The following TFDP1 variants were observed in gnomAD, a reference collection of about 807,000 sequenced individuals.
TFDP1 encodes DRTF1-polypeptide 1.
TFDP1 carries 6 observed loss-of-function variants against 48.0 expected under a neutral mutation model. The observed-to-expected ratio is 0.13, with a 90% CI of 0.07 to 0.25. The LOEUF (loss-of-function observed/expected upper bound fraction) is 0.25, where lower values mean the gene tolerates loss of function less well. Among genes scored for constraint, TFDP1 ranks in the 10% least tolerant of loss-of-function variants. The pLI is 1.00. For missense variants in TFDP1, 335 were observed against 543.0 expected, an observed-to-expected ratio of 0.62 and a Z score of 3.81; for synonymous variants, 201 against 211.6, an observed-to-expected ratio of 0.95 and a Z score of 0.44.
rs987679887 is a variant in TFDP1 at position 113,607,854 on chromosome 13, C to T, written c.13-3142C>T. Among the ~76,000 whole-genome samples the T allele has an allele frequency of 6.6e-6, 1 of 152,210 alleles. No individual in the cohort carries two copies. Among genetic ancestry groups the T allele is most frequent in the Non-Finnish European group, 1.5e-5 (1 of 68,036 alleles). ...TCCCATCCCAGCCGGAGCTGACCAC[C>T]AAGTCGACGGGGCAGAGTGAGAAAC... On this transcript the variant is annotated intron_variant, in intron 2 of 11. Transcript: ENST00000375370. The surrounding 1 kb of genome is among the most constrained non-coding windows in gnomAD (Gnocchi z 5.2).
At chr13:113,625,381 T>C (rs1395737321) in intron 4 of TFDP1, among the ~76,000 whole-genome samples, 44 of 107,478 alleles carry the variant, frequency 4.1e-4, no homozygotes, top group African/African-American at 6.4e-4. Context: ...GTCTCTCACG[T>C]GTCCTCAGGC....
chr13:113,629,755 C>T (rs913417336), intron 4 of TFDP1, among the ~76,000 whole-genome samples: 1 of 144,978 alleles, frequency 6.9e-6, no homozygotes, highest in African/African-American at 2.9e-5. Context: ...GTAAGTTCCT[C>T]GTTGTAAGTC....
chr13:113,633,802 C>A lies in TFDP1; in HGVS notation c.475-88C>A. ...GGTGGCGGCTCCGTGAGCGGGGTGC[C>A]CCTTTGAGCCAGTGCCCATGGTCTA... On this transcript the variant is annotated intron_variant, in intron 6 of 11. Coordinates refer to ENST00000375370, the MANE Select transcript of TFDP1 (RefSeq NM_007111.5). The surrounding 1 kb of genome is among the most constrained non-coding windows in gnomAD (Gnocchi z 4.5). 2 of 1,489,490 alleles carry A rather than the reference C, an allele frequency of 1.3e-6. No individual in the cohort carries two copies. Among genetic ancestry groups the A allele is most frequent in the Non-Finnish European group, 1.8e-6 (2 of 1,106,264 alleles). The allele number at this position is 1,489,490 out of a possible 1,614,324, so 92.3% of individuals were successfully genotyped here. A position where few individuals can be genotyped will look rare whatever the true frequency, so the allele number is the denominator to read the frequency against.
rs2049034170 is a variant in TFDP1, at chr13:113,623,036, T to C, written c.80-144T>C. On this transcript the variant is annotated intron_variant, in intron 3 of 11. Coordinates refer to ENST00000375370, the MANE Select transcript of TFDP1 (RefSeq NM_007111.5). The surrounding 1 kb of genome is among the most constrained non-coding windows in gnomAD (Gnocchi z 5.2). The stretch of plus-strand genomic sequence containing the variant: ...GAATCAAGCTTCATGGAGGTGTTGC[T>C]CTTGAGCCCTGGATTTGAGACAGTA... The C allele has an allele frequency of 1.4e-6, 1 of 726,462 alleles. No homozygotes were observed. The highest frequency in any genetic ancestry group is 2.5e-5 in the Admixed American group (1 of 39,838). The allele number at this position is 726,462 out of a possible 1,614,324, so 45.0% of individuals were successfully genotyped here. A position where few individuals can be genotyped will look rare whatever the true frequency, so the allele number is the denominator to read the frequency against.
chr13:113,585,592 T>C, intron 1 of TFDP1, 182 bp from the exon 2 acceptor site: 1 of 414,114 alleles, frequency 2.4e-6, no homozygotes, highest in Non-Finnish European at 4.4e-6. Context: ...GGCATTTCCG[T>C]CTGGCGAGGC....
In TFDP1 at chr13:113,625,321, TCTCAGGCGTCTCTCACGTGTC is replaced by T. The variant is rs751538795; in HGVS notation, c.186+2090_186+2110del. Among the ~76,000 whole-genome samples, 492 of 67,262 alleles carry T rather than the reference TCTCAGGCGTCTCTCACGTGTC, an allele frequency of 7.3e-3. 3 individuals carry two copies. Among genetic ancestry groups the T allele is most frequent in the Middle Eastern group, 0.027 (3 of 112 alleles). 44.1% of individuals were successfully genotyped at this position (67,262 alleles called of 152,430 possible). A position where few individuals can be genotyped will look rare whatever the true frequency, so the allele number is the denominator to read the frequency against. ...TGTCTCTCACGTGTCCTCACGTGTT[TCTCAGGCGTCTCTCACGTGTC>T]CTCAGGCGTCTCTCACGTGTCCTCA... On this transcript the variant is annotated intron_variant, in intron 4 of 11. Transcript: ENST00000375370.
chr13:113,611,323 T>C (rs1229140857), intron 3 of TFDP1, among the ~76,000 whole-genome samples: 2 of 152,260 alleles, frequency 1.3e-5, no homozygotes, highest in Non-Finnish European at 2.9e-5. Flanking sequence ...GGTAGAATAT[T>C]GTAAAGAAGA....
rs143968270 is a variant in TFDP1, at chr13:113,604,304, G to C, written c.13-6692G>C. ...TACAGCTCCTTACATGCTCAAGCTGGTAATTGTGGTCTAGTAGTAGCTACT... is the reference window on the plus strand; with the variant it reads ...TACAGCTCCTTACATGCTCAAGCTGCTAATTGTGGTCTAGTAGTAGCTACT... On this transcript the variant is annotated intron_variant, in intron 2 of 11. Transcript: ENST00000375370. 1.0e-3 allele frequency among the ~76,000 whole-genome samples: 152 copies of C among 152,306 alleles called. 1 individual carries two copies. Among genetic ancestry groups the C allele is most frequent in the Non-Finnish European group, 1.3e-4 (9 of 68,036 alleles).
chr13:113,631,238 C>T (rs990397011), intron 4 of TFDP1, among the ~76,000 whole-genome samples: 1 of 152,218 alleles, frequency 6.6e-6, no homozygotes, highest in Admixed American at 6.5e-5. Context: ...AAAATGGAAG[C>T]GTGCTCAAGT....
chr13:113,592,301 A>G (rs1486843097), intron 2 of TFDP1, among the ~76,000 whole-genome samples: 1 of 152,218 alleles, frequency 6.6e-6, no homozygotes, highest in East Asian at 1.9e-4. Flanking sequence ...GATTACAGGC[A>G]TGCGCCACCA....
At chr13:113,612,973 C>G (rs2048742751) in intron 3 of TFDP1, among the ~76,000 whole-genome samples, 1 of 152,080 alleles carries the variant, frequency 6.6e-6, no homozygotes, top group Non-Finnish European at 1.5e-5. Flanking sequence ...CCTGGACCTC[C>G]CCTGCCCTCA....
chr13:113,585,153 G>C (rs1318750361), intron 1 of TFDP1: 9 of 147,360 alleles, frequency 6.1e-5, no homozygotes, highest in Admixed American at 3.4e-4. Flanking sequence ...GCTGGAGGTG[G>C]GGCCGGGGCC....
chr13:113,637,923 G>T lies in TFDP1; in HGVS notation c.1085+27G>T, dbSNP rs200105745. 3.6e-4 allele frequency: 585 copies of T among 1,608,182 alleles called. 5 individuals are homozygous for T. In the African/African-American group the frequency reaches 6.8e-3, roughly 19 times the overall value. ...TGACAGTCGTTGAGGGTGTGGGAGA[G>T]GCGTCATCTGGGCCTCCCCCGGGGT... On this transcript the variant is annotated intron_variant, in intron 11 of 11. Coordinates refer to ENST00000375370, the MANE Select transcript of TFDP1 (RefSeq NM_007111.5).
intron 5 of TFDP1, among the ~76,000 whole-genome samples, chr13:113,632,234 G>A (rs1036306070): frequency 6.6e-6 from 1 of 152,212 alleles, no homozygotes; most frequent in African/African-American, 2.4e-5. Context: ...ACACACACAC[G>A]CAAAGCTGCA....
rs920928208 is a variant in TFDP1 at position 113,587,588 on chromosome 13, A to C, written c.12+1739A>C. Among the ~76,000 whole-genome samples the C allele has an allele frequency of 2.0e-5, 3 of 148,124 alleles. No homozygotes were observed. In the South Asian group the frequency reaches 6.4e-4, roughly 32 times the overall value. ...CAACCTCTGTCTCCTGGGTTTAAGC[A>C]ATCCTCTCGCCTCAGCCTCCCGAGA... On this transcript the variant is annotated intron_variant, in intron 2 of 11. Transcript: ENST00000375370.
intron 8 of TFDP1, among the ~76,000 whole-genome samples, chr13:113,635,232 C>CAG (rs1451059961): frequency 1.3e-5 from 2 of 152,166 alleles, no homozygotes; most frequent in African/African-American, 4.8e-5. Flanking sequence ...GTGCTCACTG[C>CAG]AGAGCTGGCT....
chr13:113,617,751 G>A (rs1181028370), intron 3 of TFDP1, among the ~76,000 whole-genome samples: 1 of 152,206 alleles, frequency 6.6e-6, no homozygotes, highest in East Asian at 1.9e-4. Flanking sequence ...CAGCATGGTG[G>A]GCAAAATAGT....
intron 11 of TFDP1, among the ~76,000 whole-genome samples, chr13:113,638,605 C>T (rs570854872): frequency 6.6e-6 from 1 of 152,332 alleles, no homozygotes; most frequent in Non-Finnish European, 1.5e-5. Context: ...TTGTTCCGTG[C>T]ATTTTTCAGC....
In TFDP1 at chr13:113,633,629, C is replaced by T. The variant is rs1301340517; in HGVS notation, c.475-261C>T. Among the ~76,000 whole-genome samples, 5 of 152,208 alleles carry T rather than the reference C, an allele frequency of 3.3e-5. No homozygotes were observed. Among genetic ancestry groups the T allele is most frequent in the Non-Finnish European group, 7.3e-5 (5 of 68,046 alleles). On this transcript the variant is annotated intron_variant, in intron 6 of 11. Coordinates refer to ENST00000375370, the MANE Select transcript of TFDP1 (RefSeq NM_007111.5). The surrounding 1 kb of genome is among the most constrained non-coding windows in gnomAD (Gnocchi z 4.5). ...TGGGCTGGCTCTGCACGTCTAGCGG[C>T]CCAGAAATGCACAAATGCCCACCTC...
Sources: allele counts gnomAD v4.1 joint callset (sites outside exome capture counted in the v4.1 genomes callset), GRCh38; gene constraint gnomAD v4.1.1; non-coding constraint Gnocchi (gnomAD v3.1); transcripts MANE v1.5; gene names NCBI Gene and HGNC (gene_info 2026-07-23, HGNC 2026-07-21).